PCCA: variants seen among roughly 807,000 people sequenced by gnomAD.
PCCA encodes the protein propionyl-CoA carboxylase subunit alpha.
Under a neutral mutation model 101.3 loss-of-function variants are expected in PCCA, and 74 were observed. The ratio of observed to expected loss-of-function variants is 0.73; its 90% CI spans 0.61 to 0.89. PCCA has a LOEUF of 0.89. Among genes scored for constraint, PCCA ranks in the 40% least tolerant of loss-of-function variants. The pLI is 0.00. For missense variants in PCCA, 891 were observed against 907.0 expected (o/e 0.98, Z 0.23); for synonymous variants, 294 against 313.6 (o/e 0.94, Z 0.66).
intron 7 of PCCA, among the ~76,000 whole-genome samples, chr13:100,224,248 G>A (rs867050648): frequency 6.6e-6 from 1 of 152,210 alleles, no homozygotes; most frequent in Non-Finnish European, 1.5e-5. Context: ...TGGTGGGCTG[G>A]CACTGCTGGG....
intron 19 of PCCA, among the ~76,000 whole-genome samples, chr13:100,416,905 G>A (rs550918181): frequency 5.3e-5 from 8 of 151,964 alleles, no homozygotes; most frequent in South Asian, 2.1e-4. Context: ...GTGCAATGGC[G>A]CGATCTCGGC....
intron 19 of PCCA, among the ~76,000 whole-genome samples, chr13:100,421,693 T>C (rs1320907718): frequency 6.6e-6 from 1 of 152,116 alleles, no homozygotes; most frequent in Non-Finnish European, 1.5e-5. Flanking sequence ...TCTTATTTTT[T>C]ATTTTTTTTG....
At chr13:100,282,523 C>T (rs112898173) in intron 12 of PCCA, among the ~76,000 whole-genome samples, 1,685 of 152,274 alleles carry the variant, frequency 0.011, 34 homozygotes, top group African/African-American at 0.038. Context: ...GTGGGCTTGG[C>T]GGGCCCCACA....
At chr13:100,215,842 G>A (rs768978257) in intron 7 of PCCA, among the ~76,000 whole-genome samples, 4 of 152,084 alleles carry the variant, frequency 2.6e-5, no homozygotes, top group South Asian at 2.1e-4. Context: ...GTTTCACCAC[G>A]TTGGCCAGGC....
At chr13:100,499,002 G>C (rs1458326071) in intron 21 of PCCA, among the ~76,000 whole-genome samples, 1 of 152,138 alleles carries the variant, frequency 6.6e-6, no homozygotes, top group Non-Finnish European at 1.5e-5. Context: ...TGGAAGACAA[G>C]ACTTCCACCC....
chr13:100,437,596 C>G (rs991536635), intron 20 of PCCA, among the ~76,000 whole-genome samples: 5 of 151,072 alleles, frequency 3.3e-5, no homozygotes, highest in Admixed American at 6.6e-5. Context: ...TTGGTAATGA[C>G]GTTTATTAAA....
At chr13:100,467,342 G>T (rs796764978) in intron 21 of PCCA, among the ~76,000 whole-genome samples, 5 of 152,260 alleles carry the variant, frequency 3.3e-5, no homozygotes, top group African/African-American at 9.6e-5. Flanking sequence ...TGCTTCCTGA[G>T]CCAGTTACTC....
chr13:100,282,247 C>G lies in PCCA; in HGVS notation c.1065+8901C>G, dbSNP rs182941112. ...GGCTACAGGGCAGGTGCTTTCTGAGCAAAGACCCTGGCAGTTGTGAGAGGT... is the reference window on the plus strand; with the variant it reads ...GGCTACAGGGCAGGTGCTTTCTGAGGAAAGACCCTGGCAGTTGTGAGAGGT... On this transcript the variant is annotated intron_variant, in intron 12 of 23. Transcript: ENST00000376285. Among the ~76,000 whole-genome samples the G allele has an allele frequency of 1.7e-3, 253 of 152,362 alleles. 1 individual carries two copies. Among genetic ancestry groups the G allele is most frequent in the African/African-American group, 5.9e-3 (245 of 41,590 alleles).
intron 16 of PCCA, among the ~76,000 whole-genome samples, chr13:100,325,038 A>C (rs1291363419): frequency 6.6e-6 from 1 of 152,326 alleles, no homozygotes; most frequent in Non-Finnish European, 1.5e-5. Context: ...TATATGGTAG[A>C]TTGAGGTCTG....
chr13:100,360,022 C>G (rs2074392561), intron 18 of PCCA, among the ~76,000 whole-genome samples: 1 of 152,152 alleles, frequency 6.6e-6, no homozygotes, highest in Non-Finnish European at 1.5e-5. Flanking sequence ...AAAGACATAC[C>G]TGAGACTGGA....
chr13:100,308,334 C>CT (rs111983196), intron 15 of PCCA, among the ~76,000 whole-genome samples: 2,597 of 151,584 alleles, frequency 0.017, 92 homozygotes, highest in African/African-American at 0.059. Context: ...GGTTTTAGTG[C>CT]TTTTTTTTGG....
At chr13:100,128,636 G>C (rs988331123) in intron 4 of PCCA, among the ~76,000 whole-genome samples, 3 of 152,146 alleles carry the variant, frequency 2.0e-5, no homozygotes, top group African/African-American at 7.2e-5. Flanking sequence ...ACCCCAGTCT[G>C]CTTCTGTCCT....
intron 4 of PCCA, among the ~76,000 whole-genome samples, chr13:100,138,698 G>A (rs911766687): frequency 6.6e-6 from 1 of 152,024 alleles, no homozygotes; most frequent in Non-Finnish European, 1.5e-5. Context: ...ACTTTGGGAG[G>A]CCGAAGCGGG....
chr13:100,513,324 C>A (rs1275040157), intron 21 of PCCA, among the ~76,000 whole-genome samples: 1 of 152,182 alleles, frequency 6.6e-6, no homozygotes, highest in Non-Finnish European at 1.5e-5. Flanking sequence ...TTTTTACTTG[C>A]TATTACAATA....
chr13:100,369,989 C>G (rs72658574), intron 19 of PCCA, among the ~76,000 whole-genome samples: 3,519 of 149,026 alleles, frequency 0.024, 50 homozygotes, highest in Non-Finnish European at 0.037. Flanking sequence ...TTACTGTAAT[C>G]TGATATTCTG....
At chr13:100,337,413 C>T (rs1436840008) in intron 17 of PCCA, among the ~76,000 whole-genome samples, 1 of 152,160 alleles carries the variant, frequency 6.6e-6, no homozygotes, top group Non-Finnish European at 1.5e-5. Context: ...AGGTCAGAGC[C>T]AGGGAAGACA....
intron 6 of PCCA, among the ~76,000 whole-genome samples, chr13:100,201,078 A>C (rs1166486025): frequency 6.6e-6 from 1 of 152,190 alleles, no homozygotes; most frequent in East Asian, 1.9e-4. Context: ...TACCACTACC[A>C]ATATGATTAC....
intron 2 of PCCA, among the ~76,000 whole-genome samples, chr13:100,110,186 A>G (rs1248589505): frequency 2.0e-5 from 3 of 152,172 alleles, no homozygotes; most frequent in Non-Finnish European, 4.4e-5. Context: ...TACTTTTTAA[A>G]AGGTCATTTA....
intron 2 of PCCA, among the ~76,000 whole-genome samples, chr13:100,109,231 G>A (rs970562453): frequency 5.3e-5 from 8 of 152,146 alleles, no homozygotes; most frequent in Non-Finnish European, 1.2e-4. Context: ...TGTGGCAGGT[G>A]CTGTTTTTAC....
Sources: gnomAD v4.1 joint callset for allele counts (sites outside exome capture counted in the v4.1 genomes callset) on GRCh38, gnomAD v4.1.1 for gene constraint, MANE v1.5 for transcripts, NCBI Gene and HGNC (gene_info 2026-07-23, HGNC 2026-07-21) for gene names.